PLXNA2: variants seen among roughly 807,000 people sequenced by gnomAD.
PLXNA2 encodes plexin A2, also known as plexin-A2.
PLXNA2 carries 91 observed loss-of-function variants against 193.5 expected under a neutral mutation model. The observed-to-expected ratio is 0.47, with a 90% confidence interval of 0.40 to 0.56. The LOEUF (loss-of-function observed/expected upper bound fraction) is 0.56. PLXNA2 is among the 20% of genes least tolerant of loss of function. PLXNA2 has a pLI of 0.00. For synonymous variants in PLXNA2, 997 were observed against 1,027.3 expected (o/e 0.97, Z 0.56); for missense variants, 1,995 against 2,503.2 (o/e 0.80, Z 4.33).
chr1:208,114,705 C>G (rs187603964), intron 4 of PLXNA2, among the ~76,000 whole-genome samples: 1 of 152,240 alleles, frequency 6.6e-6, no homozygotes, highest in Non-Finnish European at 1.5e-5. Flanking sequence ...TCAGACCCCC[C>G]GATAGTATTC....
At chr1:208,142,762 C>T (rs1184434156) in intron 3 of PLXNA2, among the ~76,000 whole-genome samples, 2 of 152,176 alleles carry the variant, frequency 1.3e-5, no homozygotes, top group Non-Finnish European at 2.9e-5. Flanking sequence ...GCATGTACAT[C>T]TATTTATAGC....
In PLXNA2 at chr1:208,223,358, C is replaced by T. The variant is rs1671407100; in HGVS notation, c.-80-5356G>A. 5.3e-5 allele frequency among the ~76,000 whole-genome samples: 8 copies of T among 152,154 alleles called. No homozygotes were observed. In the South Asian group the frequency reaches 1.2e-3, roughly 24 times the overall value. ...CCAGACCTCATGACAAAAAGGCAGG[C>T]GCTTCCTCCATTGTAGGTGGAAGGG... is the stretch of plus-strand genomic sequence containing the variant. On this transcript the variant is annotated intron_variant, in intron 1 of 31. Transcript: ENST00000367033.
intron 1 of PLXNA2, among the ~76,000 whole-genome samples, chr1:208,230,813 T>C (rs1406205394): frequency 6.6e-6 from 1 of 152,236 alleles, no homozygotes; most frequent in East Asian, 1.9e-4. Context: ...CTCCCAGCTC[T>C]TGCAGTAGAG....
intron 3 of PLXNA2, among the ~76,000 whole-genome samples, chr1:208,174,657 C>T (rs941475947): frequency 3.9e-5 from 6 of 152,136 alleles, no homozygotes; most frequent in Non-Finnish European, 8.8e-5. Flanking sequence ...CTGGTCCATG[C>T]ACCAGGGCCA....
chr1:208,239,128 C>G lies in PLXNA2; in HGVS notation c.-81+4515G>C, dbSNP rs933262603. On this transcript the variant is annotated intron_variant, in intron 1 of 31. Transcript: ENST00000367033. ...TGACGGCTGGGAGTTTCGAATATAT[C>G]TCATCTATTAATATTTTTTTTCTTC... Among the ~76,000 whole-genome samples, 6 of 150,768 alleles carry G rather than the reference C, an allele frequency of 4.0e-5. No homozygotes were observed. The South Asian group carries it at 1.3e-3, about 32-fold the overall frequency.
At chr1:208,167,877 A>T (rs897246558) in intron 3 of PLXNA2, among the ~76,000 whole-genome samples, 4 of 151,902 alleles carry the variant, frequency 2.6e-5, no homozygotes, top group Non-Finnish European at 4.4e-5. Flanking sequence ...CTGCATGCTG[A>T]CCCCCCATTT....
At chr1:208,078,269 A>G (rs959420809) in intron 12 of PLXNA2, among the ~76,000 whole-genome samples, 1 of 152,254 alleles carries the variant, frequency 6.6e-6, no homozygotes, top group Non-Finnish European at 1.5e-5. Flanking sequence ...TCTGTAGGTT[A>G]GCAGCACCCA....
In PLXNA2 at chr1:208,176,962, C is replaced by A. The variant is rs148735013; in HGVS notation, c.1371+33318G>T. On this transcript the variant is annotated intron_variant, in intron 3 of 31. Coordinates refer to ENST00000367033, the MANE Select transcript of PLXNA2 (RefSeq NM_025179.4). ...CACGGTGCCGGTGCCTTTGCACAGA[C>A]TGCTTTGGCTGCTGCTAGGGAATGG... is the stretch of plus-strand genomic sequence containing the variant. 5.7e-3 allele frequency among the ~76,000 whole-genome samples: 866 copies of A among 152,324 alleles called. 5 individuals carry two copies. Among genetic ancestry groups the A allele is most frequent in the Non-Finnish European group, 9.2e-3 (623 of 68,030 alleles).
intron 3 of PLXNA2, among the ~76,000 whole-genome samples, chr1:208,144,968 G>A (rs1242238764): frequency 6.6e-6 from 1 of 152,160 alleles, no homozygotes; most frequent in Non-Finnish European, 1.5e-5. Flanking sequence ...GGAAGAATAA[G>A]AGTCTCTGTG....
intron 3 of PLXNA2, among the ~76,000 whole-genome samples, chr1:208,208,614 C>T (rs78851414): frequency 0.013 from 1,955 of 152,286 alleles, 61 homozygotes; most frequent in East Asian, 0.12. Context: ...ATCAAGGAGA[C>T]AGAATGACAC....
intron 3 of PLXNA2, among the ~76,000 whole-genome samples, chr1:208,146,913 A>G (rs1558215444): frequency 6.6e-6 from 1 of 152,206 alleles, no homozygotes; most frequent in Non-Finnish European, 1.5e-5. Flanking sequence ...GTGGAAATGC[A>G]GAAGCTACTG....
intron 6 of PLXNA2, among the ~76,000 whole-genome samples, chr1:208,097,244 T>A (rs957801627): frequency 6.6e-6 from 1 of 152,136 alleles, no homozygotes; most frequent in Non-Finnish European, 1.5e-5. Flanking sequence ...TGAAAGCAAG[T>A]CCTGAGCCGA....
chr1:208,115,497 T>G (rs1667606712), intron 4 of PLXNA2, among the ~76,000 whole-genome samples: 1 of 152,204 alleles, frequency 6.6e-6, no homozygotes, highest in Admixed American at 6.5e-5. Flanking sequence ...CAGCTGGGAC[T>G]CGCACTCAGG....
At chr1:208,084,951 C>T (rs866680783) in intron 9 of PLXNA2, among the ~76,000 whole-genome samples, 3 of 152,210 alleles carry the variant, frequency 2.0e-5, no homozygotes, top group Non-Finnish European at 4.4e-5. Flanking sequence ...TCCAGATACT[C>T]GGCCCCTTGC....
At chr1:208,176,997 T>C (rs1669679813) in intron 3 of PLXNA2, among the ~76,000 whole-genome samples, 1 of 139,320 alleles carries the variant, frequency 7.2e-6, no homozygotes, top group South Asian at 2.3e-4. Context: ...GCCTTTTGCC[T>C]CTTTCACAGC....
At chr1:208,231,053 A>G (rs927467692) in intron 1 of PLXNA2, among the ~76,000 whole-genome samples, 1 of 152,214 alleles carries the variant, frequency 6.6e-6, no homozygotes, top group Non-Finnish European at 1.5e-5. Flanking sequence ...CCCTTGGTGA[A>G]GGAGCACAGT....
intron 3 of PLXNA2, among the ~76,000 whole-genome samples, chr1:208,193,814 G>A (rs1458009281): frequency 2.6e-5 from 4 of 152,168 alleles, no homozygotes; most frequent in African/African-American, 9.7e-5. Flanking sequence ...GACTGCTTAA[G>A]CACAAGAGAT....
chr1:208,114,257 G>A (rs1323863396), intron 4 of PLXNA2, among the ~76,000 whole-genome samples: 1 of 152,092 alleles, frequency 6.6e-6, no homozygotes, highest in African/African-American at 2.4e-5. Context: ...GGGTTCTTAG[G>A]GATTCCTTGT....
intron 3 of PLXNA2, among the ~76,000 whole-genome samples, chr1:208,207,947 T>C (rs1016259629): frequency 1.3e-5 from 2 of 152,214 alleles, no homozygotes; most frequent in African/African-American, 4.8e-5. Flanking sequence ...AAGCTGTGGG[T>C]AACCACGCCC....
Sources: allele counts gnomAD v4.1 joint callset (sites outside exome capture counted in the v4.1 genomes callset), GRCh38; gene constraint gnomAD v4.1.1; transcripts MANE v1.5; gene names NCBI Gene and HGNC (gene_info 2026-07-23, HGNC 2026-07-21).